Variants in TMEM163 observed in about 807,000 individuals in gnomAD.
TMEM163 encodes transmembrane protein 163.
In TMEM163, 17 loss-of-function variants were observed where a neutral mutation model predicts 29.3. The ratio of observed to expected loss-of-function variants is 0.58; its 90% confidence interval spans 0.40 to 0.87. TMEM163 has a LOEUF of 0.87. Ranked by LOEUF, TMEM163 falls within the 40% of genes least tolerant of loss-of-function variation. The probability of loss-of-function intolerance (pLI) is 0.00; values close to 1 mark genes in which losing one functional copy is unlikely to be tolerated. For missense variants in TMEM163, 303 were observed against 381.5 expected (o/e 0.79, Z 1.71); for synonymous variants, 157 against 160.6 (o/e 0.98, Z 0.17).
intron 4 of TMEM163, among the ~76,000 whole-genome samples, chr2:134,514,738 T>C (rs1680021050): frequency 6.6e-6 from 1 of 152,208 alleles, no homozygotes. Flanking sequence ...CACCTTTGTG[T>C]AGGGGATGTA....
chr2:134,565,610 G>GAAA (rs57236850), intron 2 of TMEM163, among the ~76,000 whole-genome samples: 6 of 135,142 alleles, frequency 4.4e-5, no homozygotes, highest in African/African-American at 1.6e-4. Flanking sequence ...TCTGTCTCCA[G>GAAA]AAAAAAAAAA....
chr2:134,625,307 C>G (rs1682824164), intron 2 of TMEM163, among the ~76,000 whole-genome samples: 1 of 152,216 alleles, frequency 6.6e-6, no homozygotes, highest in African/African-American at 2.4e-5. Context: ...GAAGTCAATA[C>G]ACATGGATTG....
At chr2:134,582,728 T>C (rs1279984781) in intron 2 of TMEM163, among the ~76,000 whole-genome samples, 1 of 152,164 alleles carries the variant, frequency 6.6e-6, no homozygotes, top group African/African-American at 2.4e-5. Context: ...AAAATAATCA[T>C]GTCTCAAGCT....
chr2:134,708,398 A>C (rs1573554074), intron 2 of TMEM163, among the ~76,000 whole-genome samples: 1 of 152,176 alleles, frequency 6.6e-6, no homozygotes, highest in Non-Finnish European at 1.5e-5. Context: ...ATAATTTAGA[A>C]AGAAAAAGAA....
intron 2 of TMEM163, among the ~76,000 whole-genome samples, chr2:134,629,871 C>T (rs533582344): frequency 2.0e-5 from 3 of 152,152 alleles, no homozygotes; most frequent in Admixed American, 6.5e-5. Context: ...AAAGAGTTGA[C>T]GGACAAACTG....
At chr2:134,718,169 G>C (rs1169934956) in intron 1 of TMEM163, among the ~76,000 whole-genome samples, 2 of 152,264 alleles carry the variant, frequency 1.3e-5, no homozygotes. Flanking sequence ...TCCGCGATTA[G>C]AATCGGGGAC....
At chr2:134,612,904 C>T (rs1558964658) in intron 2 of TMEM163, among the ~76,000 whole-genome samples, 1 of 152,064 alleles carries the variant, frequency 6.6e-6, no homozygotes, top group Non-Finnish European at 1.5e-5. Context: ...CACAGGGAGA[C>T]AGCAGTTAAT....
At chr2:134,520,310 T>C (rs1680165977) in intron 4 of TMEM163, among the ~76,000 whole-genome samples, 1 of 152,246 alleles carries the variant, frequency 6.6e-6, no homozygotes, top group South Asian at 2.1e-4. Context: ...TGCCCTAATG[T>C]CTGGCAATAA....
rs1178081885 is a variant in TMEM163, at chr2:134,651,445, C to T, written c.322+61755G>A. 4.4e-5 allele frequency among the ~76,000 whole-genome samples: 5 copies of T among 113,704 alleles called. No individual in the cohort carries two copies. The East Asian group carries it at 9.4e-4, about 21-fold the overall frequency. 74.6% of individuals were successfully genotyped at this position (113,704 alleles called of 152,430 possible). On this transcript the variant is annotated intron_variant, in intron 2 of 7. Transcript: ENST00000281924. ...GTTCATTGTAGATTCTGGATATTAG[C>T]CCTTTGTCAGATGAGTAGGTTGCGA...
At chr2:134,649,105 T>C (rs1489318651) in intron 2 of TMEM163, among the ~76,000 whole-genome samples, 1 of 152,244 alleles carries the variant, frequency 6.6e-6, no homozygotes, top group Admixed American at 6.5e-5. Context: ...AGTAAATAAG[T>C]GTGTGCGACA....
At chr2:134,463,568 C>A (rs1409226898) in intron 6 of TMEM163, among the ~76,000 whole-genome samples, 1 of 152,166 alleles carries the variant, frequency 6.6e-6, no homozygotes, top group African/African-American at 2.4e-5. Flanking sequence ...GACGGAGACC[C>A]CAGAAGCCCA....
intron 5 of TMEM163, 118 bp from the exon 6 acceptor site, chr2:134,466,343 C>T: frequency 1.3e-6 from 1 of 766,372 alleles, no homozygotes; most frequent in Non-Finnish European, 2.2e-6. Context: ...TGTGCTGCCA[C>T]CAGGTGGGGG....
chr2:134,676,985 C>G (rs1255767871), intron 2 of TMEM163, among the ~76,000 whole-genome samples: 1 of 152,080 alleles, frequency 6.6e-6, no homozygotes, highest in Non-Finnish European at 1.5e-5. Context: ...TTTCTGTCAG[C>G]AGCTTTTCTT....
chr2:134,692,049 G>T lies in TMEM163; in HGVS notation c.322+21151C>A, dbSNP rs180726297. ...TGCCATCACAAGTGTCCTCATAAGA[G>T]ACAGGTGGAGGGAGATTTGACACAG... On this transcript the variant is annotated intron_variant, in intron 2 of 7. Transcript: ENST00000281924. Among the ~76,000 whole-genome samples the T allele has an allele frequency of 2.0e-5, 3 of 152,304 alleles. No individual in the cohort carries two copies. In the East Asian group the frequency reaches 5.8e-4, roughly 29 times the overall value.
chr2:134,520,870 T>C (rs1680175717), intron 4 of TMEM163, among the ~76,000 whole-genome samples: 1 of 152,214 alleles, frequency 6.6e-6, no homozygotes, highest in Non-Finnish European at 1.5e-5. Flanking sequence ...GTGAGGCTCA[T>C]AAAGAATTCT....
At chr2:134,623,631 A>T (rs371700745) in intron 2 of TMEM163, among the ~76,000 whole-genome samples, 2 of 152,070 alleles carry the variant, frequency 1.3e-5, no homozygotes, top group South Asian at 2.1e-4. Context: ...GCCTGGCATG[A>T]TGGCAGGTGC....
chr2:134,466,157 G>C lies in TMEM163; in HGVS notation c.624C>G (p.Phe208Leu). 1 of 1,614,004 alleles carries C rather than the reference G, an allele frequency of 6.2e-7. No homozygotes were observed. The highest frequency in any genetic ancestry group is 1.1e-5 in the South Asian group (1 of 90,950). ...ILCSILAVLK[F>L]MLGKVLTSRA... ...TACTGGTCAGAACCTTCCCCAGCAT[G>C]AACTTCAACACGGCCAGGATGCTGC... The change falls in exon 6 of 8, where the codon TTC (phenylalanine) becomes TTG (leucine). Residue 208 changes from phenylalanine to leucine, a missense_variant. Phe to Leu is a conservative substitution (Grantham distance 22, BLOSUM62 0). Coordinates refer to ENST00000281924, the MANE Select transcript of TMEM163 (RefSeq NM_030923.5).
chr2:134,580,834 AC>A (rs1558952429), intron 2 of TMEM163, among the ~76,000 whole-genome samples: 1 of 151,790 alleles, frequency 6.6e-6, no homozygotes, highest in Admixed American at 6.6e-5. Context: ...AATCGCTTGA[AC>A]CCCAGAGGTG....
chr2:134,509,784 A>C (rs1421696295), intron 4 of TMEM163, among the ~76,000 whole-genome samples: 1 of 152,252 alleles, frequency 6.6e-6, no homozygotes, highest in African/African-American at 2.4e-5. Context: ...CAGAACTAAG[A>C]GTGATAAAAC....
Sources: gnomAD v4.1 joint callset for allele counts (sites outside exome capture counted in the v4.1 genomes callset) on GRCh38, gnomAD v4.1.1 for gene constraint, MANE v1.5 for transcripts, NCBI Gene and HGNC (gene_info 2026-07-23, HGNC 2026-07-21) for gene names.